The following NUF2 variants were observed in gnomAD, a reference collection of about 807,000 sequenced individuals.
NUF2 encodes the protein NUF2 component of NDC80 kinetochore complex, also known as kinetochore protein Nuf2.
In NUF2, 34 loss-of-function variants were observed where a neutral mutation model predicts 61.8. The observed-to-expected ratio is 0.55, with a 90% confidence interval of 0.42 to 0.73. The LOEUF is 0.73. Among genes scored for constraint, NUF2 ranks in the 30% least tolerant of loss-of-function variants. The pLI is 0.00. For missense variants in NUF2, 445 were observed against 539.1 expected, an observed-to-expected ratio of 0.83 and a Z score of 1.73; for synonymous variants, 172 against 181.6, an observed-to-expected ratio of 0.95 and a Z score of 0.42.
intron 10 of NUF2, among the ~76,000 whole-genome samples, chr1:163,345,341 G>A (rs143977037): frequency 1.4e-4 from 22 of 152,216 alleles, no homozygotes; most frequent in African/African-American, 5.1e-4. Context: ...TGAGTAATAC[G>A]ATTGATTGCC....
At position 163,341,212 on chromosome 1, in the gene NUF2, A is replaced by AT. The variant is rs535987983; in HGVS notation, c.669+792dup. On this transcript the variant is annotated intron_variant, in intron 9 of 13. Coordinates refer to ENST00000271452, the MANE Select transcript of NUF2 (RefSeq NM_145697.3). The stretch of plus-strand genomic sequence containing the variant: ...ATCTCATTTTATTTGTACTTATTTT[A>AT]TTTTTTAGTTTTTTTGAGACAGAGT... Among the ~76,000 whole-genome samples, 168 of 151,958 alleles carry AT rather than the reference A, an allele frequency of 1.1e-3. 1 individual carries two copies. The highest frequency in any genetic ancestry group is 3.9e-3 in the African/African-American group (162 of 41,430).
chr1:163,354,508 G>A lies in NUF2; in HGVS notation c.1261-827G>A, dbSNP rs544476798. ...TATCTCTGCTAGAATTTAAACTAAG[G>A]TAAGTAGTAGCCAAAATTTTAGGCT... On this transcript the variant is annotated intron_variant, in intron 13 of 13. Coordinates refer to ENST00000271452, the MANE Select transcript of NUF2 (RefSeq NM_145697.3). 3.3e-5 allele frequency among the ~76,000 whole-genome samples: 5 copies of A among 152,142 alleles called. No individual in the cohort carries two copies. The South Asian group carries it at 1.0e-3, about 32-fold the overall frequency.
chr1:163,350,733 C>T (rs76276908), intron 13 of NUF2, among the ~76,000 whole-genome samples: 4,003 of 152,016 alleles, frequency 0.026, 73 homozygotes, highest in Non-Finnish European at 0.042. Flanking sequence ...AACAAATCCT[C>T]ACCCAAACAC....
chr1:163,348,120 A>C (rs1449779245), intron 12 of NUF2, among the ~76,000 whole-genome samples, 182 bp downstream of exon 12: 4 of 152,130 alleles, frequency 2.6e-5, no homozygotes, highest in Admixed American at 2.0e-4. Context: ...CTAGTTCTAG[A>C]TTTAGAGATG....
chr1:163,336,383 A>G (rs538134819), intron 5 of NUF2, among the ~76,000 whole-genome samples: 31 of 152,216 alleles, frequency 2.0e-4, no homozygotes, highest in African/African-American at 7.0e-4. Flanking sequence ...TCAGTCATGG[A>G]CTGGTGCAGT....
At chr1:163,336,634 C>T in intron 5 of NUF2, 117 bp from the exon 6 acceptor site, 1 of 646,280 alleles carries the variant, frequency 1.5e-6, no homozygotes, top group Non-Finnish European at 2.7e-6. Context: ...TTGTTATATC[C>T]TATACAGTTT....
At chr1:163,333,589 A>G (rs1301670607) in intron 5 of NUF2, among the ~76,000 whole-genome samples, 1 of 152,034 alleles carries the variant, frequency 6.6e-6, no homozygotes, top group East Asian at 1.9e-4. Context: ...CTTATCAGCT[A>G]TATGTCTTTT....
intron 5 of NUF2, among the ~76,000 whole-genome samples, chr1:163,330,243 C>G (rs1650551255): frequency 1.3e-5 from 2 of 152,166 alleles, no homozygotes; most frequent in African/African-American, 4.8e-5. Context: ...AAATATACCA[C>G]TCAGGTGAAG....
Position 163,355,524 on chromosome 1 carries a change from T to C in NUF2, c.*55T>C, listed in dbSNP as rs1268515171. 1.3e-6 allele frequency: 2 copies of C among 1,514,744 alleles called. No homozygotes were observed. The highest frequency in any genetic ancestry group is 2.8e-5 in the African/African-American group (2 of 70,810). The allele number at this position is 1,514,744 out of a possible 1,614,324, so 93.8% of individuals were successfully genotyped here. A position where few individuals can be genotyped will look rare whatever the true frequency, so the allele number is the denominator to read the frequency against. On this transcript the variant is annotated 3_prime_UTR_variant, in exon 14 of 14. Transcript: ENST00000271452. ...GGCTTGCCATCTTTTAATTTTCTAT[T>C]TAGAAAGAAAAGTTGAAGCGAATGG...
intron 10 of NUF2, among the ~76,000 whole-genome samples, chr1:163,345,248 G>T (rs898315349): frequency 6.6e-6 from 1 of 152,074 alleles, no homozygotes; most frequent in African/African-American, 2.4e-5. Flanking sequence ...TGTTCATTTT[G>T]TAATTTTAGA....
At chr1:163,354,101 G>GT (rs1651413769) in intron 13 of NUF2, among the ~76,000 whole-genome samples, 1 of 152,058 alleles carries the variant, frequency 6.6e-6, no homozygotes, top group Non-Finnish European at 1.5e-5. Context: ...TGAATGTGCT[G>GT]TTTTTTTATA....
intron 9 of NUF2, among the ~76,000 whole-genome samples, chr1:163,341,227 TG>T (rs1338597918): frequency 6.6e-6 from 1 of 152,186 alleles, no homozygotes; most frequent in Non-Finnish European, 1.5e-5. Flanking sequence ...TTAGTTTTTT[TG>T]AGACAGAGTC....
At chr1:163,347,374 C>T (rs1651168075) in intron 11 of NUF2, among the ~76,000 whole-genome samples, 1 of 152,216 alleles carries the variant, frequency 6.6e-6, no homozygotes, top group Non-Finnish European at 1.5e-5. Context: ...ATAGTCCCCT[C>T]ATCTGCCATT....
chr1:163,343,087 C>A (rs1651002636), intron 9 of NUF2, among the ~76,000 whole-genome samples: 1 of 152,246 alleles, frequency 6.6e-6, no homozygotes, highest in Non-Finnish European at 1.5e-5. Flanking sequence ...CTACCCTTCA[C>A]TTTGATTCTT....
chr1:163,352,477 A>T (rs766816058), intron 13 of NUF2, among the ~76,000 whole-genome samples: 1 of 152,222 alleles, frequency 6.6e-6, no homozygotes, highest in Non-Finnish European at 1.5e-5. Flanking sequence ...ATTTCAACAA[A>T]TGGCCAATGT....
In NUF2 at chr1:163,348,815, T is replaced by G. The variant is rs1343992245; in HGVS notation, c.1125-130T>G. On this transcript the variant is annotated intron_variant, in intron 12 of 13. Coordinates refer to ENST00000271452, the MANE Select transcript of NUF2 (RefSeq NM_145697.3). ...TTTGGGGTTTTCATTCCTTTGCTTT[T>G]ATATCTTGAGAAGAGTTTTAGGTTT... is the stretch of plus-strand genomic sequence containing the variant. 3 of 940,928 alleles carry G rather than the reference T, an allele frequency of 3.2e-6. No homozygotes were observed. The African/African-American group carries it at 5.0e-5, about 16-fold the overall frequency. The allele number at this position is 940,928 out of a possible 1,614,324, so 58.3% of individuals were successfully genotyped here. A position where few individuals can be genotyped will look rare whatever the true frequency, so the allele number is the denominator to read the frequency against.
chr1:163,323,436 G>A (rs1226746828), intron 1 of NUF2, among the ~76,000 whole-genome samples: 2 of 152,130 alleles, frequency 1.3e-5, no homozygotes, highest in Non-Finnish European at 2.9e-5. Context: ...TCCCAGCTCT[G>A]TGGCCTGGCA....
intron 3 of NUF2, chr1:163,327,809 T>C (rs886713793): frequency 2.2e-6 from 1 of 457,556 alleles, no homozygotes; most frequent in Admixed American, 3.9e-5. Flanking sequence ...CACAGATCAT[T>C]GATGCAATGC....
Position 163,339,481 on chromosome 1 carries a change from T to C in NUF2, c.606+4T>C. On this transcript the variant is annotated splice_donor_region_variant and intron_variant, in intron 8 of 13. Coordinates refer to ENST00000271452, the MANE Select transcript of NUF2 (RefSeq NM_145697.3). ...TCAGGATTTTCATCAAAAAACGGTA[T>C]CTGTTGTGAGGCACCTTAAACTTTA... 6.4e-7 allele frequency: 1 copy of C among 1,568,498 alleles called. No individual in the cohort carries two copies. Among genetic ancestry groups the C allele is most frequent in the Non-Finnish European group, 8.8e-7 (1 of 1,141,268 alleles).
Sources: gnomAD v4.1 joint callset for allele counts (sites outside exome capture counted in the v4.1 genomes callset) on GRCh38, gnomAD v4.1.1 for gene constraint, MANE v1.5 for transcripts, NCBI Gene and HGNC (gene_info 2026-07-23, HGNC 2026-07-21) for gene names.